Variants in NR5A2 observed in about 807,000 individuals in gnomAD.
The protein encoded by NR5A2 is nuclear receptor subfamily 5 group A member 2.
In NR5A2, 26 loss-of-function variants were observed where a neutral mutation model predicts 62.7. That is an observed-to-expected ratio of 0.41 (90% CI 0.30 to 0.58). The LOEUF is 0.58. Among genes scored for constraint, NR5A2 ranks in the 20% least tolerant of loss-of-function variants. The pLI, the probability that NR5A2 is intolerant of heterozygous loss-of-function variation, is 0.22. For synonymous variants in NR5A2, 246 were observed against 241.7 expected, an observed-to-expected ratio of 1.02 and a Z score of -0.16; for missense variants, 541 against 669.1, an observed-to-expected ratio of 0.81 and a Z score of 2.11.
chr1:200,030,326 A>G (rs1444242679), intron 1 of NR5A2, among the ~76,000 whole-genome samples: 2 of 152,228 alleles, frequency 1.3e-5, no homozygotes, highest in South Asian at 2.1e-4. Flanking sequence ...ACTAGGGGCT[A>G]CATCTTGTAT....
intron 7 of NR5A2, among the ~76,000 whole-genome samples, chr1:200,148,919 T>C (rs1384118362): frequency 1.3e-5 from 2 of 150,658 alleles, no homozygotes; most frequent in African/African-American, 4.9e-5. Context: ...TTTTTTTTTT[T>C]TTTTTTTCCT....
At chr1:200,065,366 A>G (rs1241790126) in intron 5 of NR5A2, among the ~76,000 whole-genome samples, 1 of 150,688 alleles carries the variant, frequency 6.6e-6, no homozygotes, top group African/African-American at 2.4e-5. Context: ...CTGGTCTCTA[A>G]CTCCTGACCT....
rs1403096471 is a variant in NR5A2, at chr1:200,120,813, C to G, written c.1236C>G (p.Asp412Glu). The G allele has an allele frequency of 1.9e-6, 3 of 1,546,976 alleles. No individual in the cohort carries two copies. Among genetic ancestry groups the G allele is most frequent in the African/African-American group, 2.8e-5 (2 of 71,970 alleles). ...ACTGTGATTCTGTATTGCAGGTGGA[C>G]TATTCCATAATAGCATCACAAGCCG... ...SIFLVTGQQV[D>E]YSIIASQAGA... is the part of the protein sequence containing the mutation. The change falls in exon 7 of 8, where the codon GAC becomes GAG. Residue 412 changes from aspartate to glutamate, a missense_variant. Physicochemically the swap from Asp to Glu is conservative, Grantham distance 45. Coordinates refer to ENST00000367362, the MANE Select transcript of NR5A2 (RefSeq NM_205860.3).
intron 5 of NR5A2, among the ~76,000 whole-genome samples, chr1:200,101,369 T>C (rs1665357532): frequency 6.6e-6 from 1 of 152,182 alleles, no homozygotes; most frequent in African/African-American, 2.4e-5. Context: ...AACATGCCCT[T>C]GTACAAATCA....
chr1:200,053,569 G>GTGCACACACA (rs1553266382), intron 5 of NR5A2, among the ~76,000 whole-genome samples: 1 of 142,104 alleles, frequency 7.0e-6, no homozygotes, highest in African/African-American at 2.7e-5. Context: ...GCATGCACAC[G>GTGCACACACA]CACACACACA....
chr1:200,132,688 GA>G (rs1246834786), intron 7 of NR5A2, among the ~76,000 whole-genome samples: 4 of 152,178 alleles, frequency 2.6e-5, no homozygotes, highest in Non-Finnish European at 5.9e-5. Context: ...TAACCAGCAA[GA>G]AAAATCAAGT....
intron 5 of NR5A2, among the ~76,000 whole-genome samples, chr1:200,072,940 G>A (rs1169279061): frequency 2.6e-5 from 4 of 152,098 alleles, no homozygotes; most frequent in African/African-American, 9.7e-5. Context: ...CTGTCAATTT[G>A]CCAAGGAAAT....
At chr1:200,121,767 C>T (rs1347214910) in intron 7 of NR5A2, among the ~76,000 whole-genome samples, 1 of 152,122 alleles carries the variant, frequency 6.6e-6, no homozygotes, top group Admixed American at 6.5e-5. Context: ...GGCAACTTCC[C>T]TTGAATGAAA....
intron 7 of NR5A2, among the ~76,000 whole-genome samples, chr1:200,142,048 G>A (rs571567884): frequency 6.6e-6 from 1 of 151,998 alleles, no homozygotes; most frequent in Non-Finnish European, 1.5e-5. Flanking sequence ...AGTCTACTGT[G>A]TCTTCTAGTT....
Position 200,126,479 on chromosome 1 carries a change from A to G in NR5A2, c.1378+5524A>G, listed in dbSNP as rs557983406. ...CTTTTAATAAATATTGCTTTCATGA[A>G]TGAAAGAATGCCTTTCCTCCCAACT... On this transcript the variant is annotated intron_variant, in intron 7 of 7. Coordinates refer to ENST00000367362, the MANE Select transcript of NR5A2 (RefSeq NM_205860.3). 5.1e-4 allele frequency among the ~76,000 whole-genome samples: 78 copies of G among 152,294 alleles called. No homozygotes were observed. In the Middle Eastern group the frequency reaches 0.01, roughly 20 times the overall value.
At chr1:200,133,534 C>CACAT (rs1429787127) in intron 7 of NR5A2, among the ~76,000 whole-genome samples, 1 of 126,898 alleles carries the variant, frequency 7.9e-6, no homozygotes, top group African/African-American at 3.3e-5. Flanking sequence ...TATACACACA[C>CACAT]ATATATATAT....
intron 1 of NR5A2, among the ~76,000 whole-genome samples, chr1:200,034,179 C>A (rs1661657137): frequency 1.3e-5 from 2 of 152,168 alleles, no homozygotes; most frequent in Non-Finnish European, 2.9e-5. Context: ...AAGTGTTCAG[C>A]TAGTTTCACA....
chr1:200,102,890 A>G (rs1034106220), intron 5 of NR5A2, among the ~76,000 whole-genome samples: 2 of 152,068 alleles, frequency 1.3e-5, no homozygotes, highest in Non-Finnish European at 2.9e-5. Context: ...CGCCTTTTAG[A>G]ATGGTTTCTC....
At chr1:200,148,974 AC>A (rs1355759287) in intron 7 of NR5A2, among the ~76,000 whole-genome samples, 1 of 146,604 alleles carries the variant, frequency 6.8e-6, no homozygotes, top group Non-Finnish European at 1.5e-5. Flanking sequence ...GTGCAGTGGC[AC>A]AATCTCAACT....
At chr1:200,046,209 A>G (rs1381298370) in intron 4 of NR5A2, among the ~76,000 whole-genome samples, 2 of 152,226 alleles carry the variant, frequency 1.3e-5, no homozygotes, top group Non-Finnish European at 2.9e-5. Flanking sequence ...AATCATTAGC[A>G]AAGGTCTGAA....
chr1:200,153,091 T>C (rs1653211028), intron 7 of NR5A2, among the ~76,000 whole-genome samples: 1 of 152,222 alleles, frequency 6.6e-6, no homozygotes, highest in Non-Finnish European at 1.5e-5. Context: ...TTGCTTTCGT[T>C]TATTCCTTTT....
intron 7 of NR5A2, among the ~76,000 whole-genome samples, chr1:200,125,703 A>G (rs1257724672): frequency 6.6e-6 from 1 of 152,232 alleles, no homozygotes. Context: ...CTTAAATTAT[A>G]AAAGGTCATC....
chr1:200,063,393 C>T (rs939647787), intron 5 of NR5A2, among the ~76,000 whole-genome samples: 1 of 152,044 alleles, frequency 6.6e-6, no homozygotes, highest in African/African-American at 2.4e-5. Context: ...CTCCTGACCT[C>T]GTGATCCACC....
chr1:200,127,676 CAAAAAAAAAAAAAAAAA>C (rs71132666), intron 7 of NR5A2, among the ~76,000 whole-genome samples: 15 of 25,602 alleles, frequency 5.9e-4, no homozygotes, highest in South Asian at 4.9e-3. Context: ...GACTCTGTCT[CAAAAAAAAAAAAAAAAA>C]AAAAAAAAAA....
Sources: allele counts gnomAD v4.1 joint callset (sites outside exome capture counted in the v4.1 genomes callset), GRCh38; gene constraint gnomAD v4.1.1; transcripts MANE v1.5; gene names NCBI Gene and HGNC (gene_info 2026-07-23, HGNC 2026-07-21).